DNAAF9: variants seen among roughly 807,000 people sequenced by gnomAD.
DNAAF9 encodes the protein shulin.
DNAAF9 carries 90 observed loss-of-function variants against 167.0 expected under a neutral mutation model. The ratio of observed to expected loss-of-function variants is 0.54; its 90% CI spans 0.45 to 0.64. The LOEUF (loss-of-function observed/expected upper bound fraction) is 0.64, where lower values mean the gene tolerates loss of function less well. DNAAF9 is among the 30% of genes least tolerant of loss of function. The pLI, the probability that DNAAF9 is intolerant of heterozygous loss-of-function variation, is 0.00. For synonymous variants in DNAAF9, 491 were observed against 508.8 expected, an observed-to-expected ratio of 0.96 and a Z score of 0.47; for missense variants, 1,315 against 1,442.2, an observed-to-expected ratio of 0.91 and a Z score of 1.43.
chr20:3,365,278 T>G (rs1204605461), intron 6 of DNAAF9, among the ~76,000 whole-genome samples: 1 of 152,064 alleles, frequency 6.6e-6, no homozygotes, highest in Admixed American at 6.6e-5. Flanking sequence ...CCAGCAGCCA[T>G]TTCTTAAAAT....
At position 3,252,837 on chromosome 20, in the gene DNAAF9, G is replaced by A. The variant is rs1025453582; in HGVS notation, c.3422-153C>T. Among the ~76,000 whole-genome samples, 3 of 152,136 alleles carry A rather than the reference G, an allele frequency of 2.0e-5. No individual in the cohort carries two copies. The East Asian group carries it at 5.8e-4, about 29-fold the overall frequency. ...ACCTGATGGACTCTTTGTATATACTGGCAGCACCACAGCTACAAAGAATGC... is the reference window on the plus strand; with the variant it reads ...ACCTGATGGACTCTTTGTATATACTAGCAGCACCACAGCTACAAAGAATGC... On this transcript the variant is annotated intron_variant, in intron 36 of 36. Coordinates refer to ENST00000252032, the MANE Select transcript of DNAAF9 (RefSeq NM_001009984.3).
chr20:3,262,230 G>A (rs553574836), intron 31 of DNAAF9, among the ~76,000 whole-genome samples: 3 of 151,480 alleles, frequency 2.0e-5, no homozygotes, highest in South Asian at 2.1e-4. Context: ...TCTTCCTGAT[G>A]AGGAAAAAGT....
chr20:3,287,580 G>T, intron 27 of DNAAF9, 52 bp downstream of exon 27: 1 of 1,565,828 alleles, frequency 6.4e-7, no homozygotes, highest in Non-Finnish European at 8.8e-7. Context: ...TAAGAGTAAT[G>T]GCAAGGTCAT....
chr20:3,292,297 G>C (rs1168496233), intron 25 of DNAAF9, among the ~76,000 whole-genome samples: 1 of 152,092 alleles, frequency 6.6e-6, no homozygotes, highest in African/African-American at 2.4e-5. Flanking sequence ...ATGCCGCCTG[G>C]GCGAGCACCT....
chr20:3,326,043 T>C (rs6037551), intron 13 of DNAAF9, among the ~76,000 whole-genome samples, 154 bp downstream of exon 13: 29,339 of 152,166 alleles, frequency 0.19, 3,064 homozygotes, highest in African/African-American at 0.24. Flanking sequence ...CAGCAGAAGC[T>C]CAGTGCTCTC....
intron 1 of DNAAF9, among the ~76,000 whole-genome samples, chr20:3,394,796 G>C (rs1479589750): frequency 1.3e-5 from 2 of 151,832 alleles, no homozygotes; most frequent in Non-Finnish European, 2.9e-5. Flanking sequence ...ATTCTCACAG[G>C]AATACTGCGC....
chr20:3,322,227 A>C lies in DNAAF9; in HGVS notation c.1346T>G (p.Phe449Cys). ...GATAGCTCTGCTTACCGTCTTCACAAAGGATAAGCTATCTTCACTGTCCAG... is the reference window on the plus strand; with the variant it reads ...GATAGCTCTGCTTACCGTCTTCACACAGGATAAGCTATCTTCACTGTCCAG... Reference protein sequence around the residue: ...VPLDSEDSLSFVKTACMAVYD... With the variant: ...VPLDSEDSLSCVKTACMAVYD... Residue 449 changes from phenylalanine (F) to cysteine (C), a missense_variant, in exon 16 of 37, where the codon TTT (phenylalanine) becomes TGT (cysteine). Transcript: ENST00000252032. The C allele has an allele frequency of 6.2e-7, 1 of 1,610,066 alleles. No homozygotes were observed. Among genetic ancestry groups the C allele is most frequent in the Non-Finnish European group, 8.5e-7 (1 of 1,177,316 alleles).
rs1185151920 is a variant in DNAAF9, at chr20:3,294,522, G to A, written c.2120+6C>T. ...TTAAACATCTATAAACAGAACCAGA[G>A]CTTACCAGTCCAGCTCTGGGAGTTT... On this transcript the variant is annotated splice_donor_region_variant and intron_variant, in intron 24 of 36. Coordinates refer to ENST00000252032, the MANE Select transcript of DNAAF9 (RefSeq NM_001009984.3). 6.3e-7 allele frequency: 1 copy of A among 1,581,474 alleles called. No individual in the cohort carries two copies. The highest frequency in any genetic ancestry group is 8.7e-7 in the Non-Finnish European group (1 of 1,150,378).
At position 3,336,630 on chromosome 20, in the gene DNAAF9, G is replaced by A. The variant is rs143023375; in HGVS notation, c.981+3874C>T. Among the ~76,000 whole-genome samples, 1,372 of 152,028 alleles carry A rather than the reference G, an allele frequency of 9.0e-3. 20 individuals carry two copies. The highest frequency in any genetic ancestry group is 0.032 in the African/African-American group (1,318 of 41,478). On this transcript the variant is annotated intron_variant, in intron 10 of 36. Transcript: ENST00000252032. ...AATGGTGCAACCTTGGCTCACTGCA[G>A]CCTCTGCCACCCAGGTTCAAGTGAT...
Position 3,290,175 on chromosome 20 carries a change from T to G in DNAAF9, c.2281A>C (p.Ser761Arg), listed in dbSNP as rs771974235. The G allele has an allele frequency of 1.9e-6, 3 of 1,613,268 alleles. No homozygotes were observed. The African/African-American group carries it at 4.0e-5, about 22-fold the overall frequency. Residue 761 changes from serine (S) to arginine (R), a missense_variant, in exon 26 of 37, where the codon AGC becomes CGC. Around this residue, in one of 2 missense-constraint regions of DNAAF9, gnomAD observed 981 missense variants for 1,012.5 expected, o/e 0.97. Coordinates refer to ENST00000252032, the MANE Select transcript of DNAAF9 (RefSeq NM_001009984.3). ...GTGACCAGAAAAGCACAGAGCTCGC[T>G]AGCGTGACAGCCTGGGAGGCCGGTT... Reference protein sequence around the residue: ...IVTGLPGCHASELCAFLVTLH... With the variant: ...IVTGLPGCHARELCAFLVTLH...
intron 31 of DNAAF9, 65 bp downstream of exon 31, chr20:3,264,372 TC>T: frequency 2.5e-6 from 2 of 791,020 alleles, no homozygotes; most frequent in Non-Finnish European, 4.4e-6. Flanking sequence ...TTTTTTTTTT[TC>T]TGTAAATAAA....
chr20:3,298,815 C>T (rs955853707), intron 21 of DNAAF9, among the ~76,000 whole-genome samples: 1 of 151,524 alleles, frequency 6.6e-6, no homozygotes, highest in South Asian at 2.1e-4. Flanking sequence ...GCTGTCCGTG[C>T]TTTTGGTATC....
chr20:3,299,963 C>G (rs1218911697), intron 21 of DNAAF9, among the ~76,000 whole-genome samples: 1 of 152,164 alleles, frequency 6.6e-6, no homozygotes, highest in Non-Finnish European at 1.5e-5. Context: ...AATGCAGTAG[C>G]ACAATCTCGG....
intron 1 of DNAAF9, among the ~76,000 whole-genome samples, chr20:3,393,525 C>T (rs755222633): frequency 1.3e-5 from 2 of 151,988 alleles, no homozygotes; most frequent in Non-Finnish European, 2.9e-5. Flanking sequence ...CAAAACAAAA[C>T]AAAAATAAAA....
chr20:3,367,269 C>T (rs2083443256), intron 6 of DNAAF9, among the ~76,000 whole-genome samples: 2 of 152,342 alleles, frequency 1.3e-5, no homozygotes, highest in South Asian at 4.1e-4. Context: ...TTTGGTTTAA[C>T]GGAATGTTTT....
chr20:3,340,581 C>T lies in DNAAF9; in HGVS notation c.904G>A (p.Ala302Thr). The change falls in exon 10 of 37, where the codon GCT becomes ACT. Residue 302 changes from alanine (A) to threonine (T), a missense_variant. Around this residue, in one of 2 missense-constraint regions of DNAAF9, gnomAD observed 981 missense variants for 1,012.5 expected, o/e 0.97. Coordinates refer to ENST00000252032, the MANE Select transcript of DNAAF9 (RefSeq NM_001009984.3). ...TCAGAAGGGAAGTTAAAGTTGCCAG[C>T]ATTCAGGTTTTCTCGTGTGGAGTGA... ...GNHSTRENLNAGNFNFPSEGH... is the reference protein window; with the variant it reads ...GNHSTRENLNTGNFNFPSEGH... 1.2e-6 allele frequency: 2 copies of T among 1,613,832 alleles called. No individual in the cohort carries two copies. Among genetic ancestry groups the T allele is most frequent in the Non-Finnish European group, 1.7e-6 (2 of 1,179,804 alleles).
intron 5 of DNAAF9, 71 bp downstream of exon 5, chr20:3,374,959 G>A: frequency 3.8e-6 from 3 of 796,846 alleles, no homozygotes. Context: ...CCCAATGAAA[G>A]GAAAAGTAGT....
At chr20:3,328,021 C>T (rs1211676170) in intron 12 of DNAAF9, among the ~76,000 whole-genome samples, 3 of 152,144 alleles carry the variant, frequency 2.0e-5, no homozygotes, top group Non-Finnish European at 4.4e-5. Context: ...CAAAGACATG[C>T]AAAGATATCC....
intron 16 of DNAAF9, among the ~76,000 whole-genome samples, chr20:3,320,822 C>G (rs1224616725): frequency 6.6e-6 from 1 of 152,210 alleles, no homozygotes; most frequent in African/African-American, 2.4e-5. Context: ...AAATTATCCA[C>G]TGGGTGCTGC....
Sources: gnomAD v4.1 joint callset for allele counts (sites outside exome capture counted in the v4.1 genomes callset) on GRCh38, gnomAD v4.1.1 for gene constraint, gnomAD v4.1.1 regional missense constraint, MANE v1.5 for transcripts, NCBI Gene and HGNC (gene_info 2026-07-23, HGNC 2026-07-21) for gene names.